Variants in CADPS observed in about 807,000 individuals in gnomAD.
CADPS encodes calcium-dependent secretion activator 1.
In CADPS, 57 loss-of-function variants were observed where a neutral mutation model predicts 167.3. That is an observed-to-expected ratio of 0.34 (90% confidence interval 0.28 to 0.42). The LOEUF (loss-of-function observed/expected upper bound fraction) is 0.42, where lower values mean the gene tolerates loss of function less well. Ranked by LOEUF, CADPS falls within the 20% of genes least tolerant of loss-of-function variation. CADPS has a pLI of 1.00. For synonymous variants in CADPS, 676 were observed against 635.3 expected (o/e 1.06, Z -0.96); for missense variants, 1,414 against 1,738.1 (o/e 0.81, Z 3.32).
chr3:62,811,701 T>C (rs890105395), intron 1 of CADPS, among the ~76,000 whole-genome samples: 2 of 152,208 alleles, frequency 1.3e-5, no homozygotes, highest in Non-Finnish European at 2.9e-5. Flanking sequence ...TAATTCACAA[T>C]TCTTTCATAC....
At chr3:62,831,247 T>C (rs73102782) in intron 1 of CADPS, among the ~76,000 whole-genome samples, 1,857 of 152,258 alleles carry the variant, frequency 0.012, 16 homozygotes, top group South Asian at 0.02. Context: ...CTCTTCGAAG[T>C]AAACATTATC....
At chr3:62,405,427 G>A (rs1391969874) in intron 28 of CADPS, among the ~76,000 whole-genome samples, 5 of 146,028 alleles carry the variant, frequency 3.4e-5, no homozygotes, top group Non-Finnish European at 7.5e-5. Context: ...TCTCTTTGCT[G>A]AGAGACGTGC....
At chr3:62,547,608 T>C (rs2076711902) in intron 11 of CADPS, among the ~76,000 whole-genome samples, 1 of 83,050 alleles carries the variant, frequency 1.2e-5, no homozygotes, top group Non-Finnish European at 2.3e-5. Context: ...CCGCAAATTC[T>C]AACTCTTAGG....
chr3:62,551,019 T>A (rs916435664), intron 10 of CADPS: 20 of 435,172 alleles, frequency 4.6e-5, no homozygotes, highest in African/African-American at 2.0e-4. Context: ...TTGCCCTTCT[T>A]CTCTTCCTTA....
At position 62,780,661 on chromosome 3, in the gene CADPS, G is replaced by T. The variant is rs527814372; in HGVS notation, c.442-14677C>A. 2.0e-5 allele frequency among the ~76,000 whole-genome samples: 3 copies of T among 152,212 alleles called. No homozygotes were observed. In the South Asian group the frequency reaches 6.2e-4, roughly 32 times the overall value. On this transcript the variant is annotated intron_variant, in intron 1 of 29. Transcript: ENST00000383710. Reference sequence around the variant, plus strand: ...AATGATTTCTGTCTAGTGGAAAAAAGATGATCCCCCAAATTATAGCATTAT... The same window carrying T: ...AATGATTTCTGTCTAGTGGAAAAAATATGATCCCCCAAATTATAGCATTAT...
At chr3:62,660,847 A>C (rs62242516) in intron 4 of CADPS, among the ~76,000 whole-genome samples, 45,756 of 152,130 alleles carry the variant, frequency 0.3, 7,633 homozygotes, top group East Asian at 0.69. Context: ...ATTTTGATTA[A>C]CGGAGGCCCG....
chr3:62,499,193 A>T lies in CADPS; in HGVS notation c.2675T>A (p.Val892Asp). 6.2e-7 allele frequency: 1 copy of T among 1,613,684 alleles called. No homozygotes were observed. Among genetic ancestry groups the T allele is most frequent in the Non-Finnish European group, 8.5e-7 (1 of 1,179,588 alleles). Residue 892 changes from valine to aspartate, a missense_variant, in exon 18 of 30, where the codon GTT becomes GAT. By Grantham distance (152) the Val-to-Asp change is radical. This residue lies in a region of CADPS where 529 missense variants were observed against 629.6 expected (regional missense o/e 0.84). Coordinates refer to ENST00000383710, the MANE Select transcript of CADPS (RefSeq NM_003716.4). ...GTGGTGCTCCTCATTTTGCTGAAGA[A>T]CTTCAATGACTAGTTCAGCAAGACG... ...TIRLAELVIE[V>D]LQQNEEHHAE...
At chr3:62,479,683 G>C (rs1032513752) in intron 22 of CADPS, among the ~76,000 whole-genome samples, 19 of 152,244 alleles carry the variant, frequency 1.2e-4, no homozygotes, top group Admixed American at 2.0e-4. Context: ...TATCTGACAC[G>C]ATGGAGCAGG....
intron 6 of CADPS, among the ~76,000 whole-genome samples, chr3:62,596,976 A>C (rs1039417138): frequency 1.3e-5 from 2 of 152,198 alleles, no homozygotes; most frequent in Non-Finnish European, 2.9e-5. Flanking sequence ...TATTGTAAAA[A>C]TTATCAGTAA....
rs1207058423 is a variant in CADPS at position 62,421,734 on chromosome 3, A to G, written c.3777+16370T>C. Among the ~76,000 whole-genome samples the G allele has an allele frequency of 1.3e-5, 2 of 152,052 alleles. No homozygotes were observed. Among genetic ancestry groups the G allele is most frequent in the African/African-American group, 4.8e-5 (2 of 41,396 alleles). Reference sequence around the variant, plus strand: ...TGACAATGTCAGATTTCATAATAATATTGTGTGTGAGGCTGGAGACGCATT... The same window carrying G: ...TGACAATGTCAGATTTCATAATAATGTTGTGTGTGAGGCTGGAGACGCATT... On this transcript the variant is annotated intron_variant, in intron 28 of 29. Transcript: ENST00000383710. This position sits in a 1 kb window ranked among gnomAD's most constrained non-coding sequence, Gnocchi z 4.7.
Position 62,482,321 on chromosome 3 carries a change from T to C in CADPS, c.3027-452A>G, listed in dbSNP as rs1443882262. Among the ~76,000 whole-genome samples the C allele has an allele frequency of 2.0e-5, 3 of 152,196 alleles. No individual in the cohort carries two copies. The East Asian group carries it at 5.8e-4, about 29-fold the overall frequency. On this transcript the variant is annotated intron_variant, in intron 21 of 29. Transcript: ENST00000383710. ...ACAAATTACTGTTGATGGAGGCATA[T>C]TTCTCAATCAGACGTTAGACACCAA...
intron 17 of CADPS, among the ~76,000 whole-genome samples, chr3:62,505,681 G>A (rs1332638597): frequency 6.6e-6 from 1 of 152,198 alleles, no homozygotes; most frequent in Non-Finnish European, 1.5e-5. Flanking sequence ...CAAGGGTTAT[G>A]CCTTCATATG....
At chr3:62,513,085 G>C (rs17066482) in intron 16 of CADPS, among the ~76,000 whole-genome samples, 7,546 of 152,156 alleles carry the variant, frequency 0.05, 522 homozygotes, top group African/African-American at 0.15. Flanking sequence ...AGAGGACAAG[G>C]ACAAGTCAAA....
At chr3:62,587,562 C>T (rs1342891119) in intron 7 of CADPS, among the ~76,000 whole-genome samples, 4 of 152,164 alleles carry the variant, frequency 2.6e-5, no homozygotes, top group East Asian at 1.9e-4. Context: ...GGGCCAGAAC[C>T]GCGGTAAGTA....
chr3:62,732,893 G>A (rs576632213), intron 3 of CADPS, among the ~76,000 whole-genome samples: 1 of 152,300 alleles, frequency 6.6e-6, no homozygotes, highest in African/African-American at 2.4e-5. Context: ...AAGTTGCCAA[G>A]GGTCACCGAG....
At chr3:62,675,330 G>C (rs2076178175) in intron 3 of CADPS, among the ~76,000 whole-genome samples, 1 of 152,016 alleles carries the variant, frequency 6.6e-6, no homozygotes, top group Non-Finnish European at 1.5e-5. Context: ...AAAGATTGTA[G>C]ATTTTGGTTA....
At chr3:62,441,808 T>C (rs1170275977) in intron 27 of CADPS, among the ~76,000 whole-genome samples, 1 of 152,192 alleles carries the variant, frequency 6.6e-6, no homozygotes, top group Admixed American at 6.5e-5. Flanking sequence ...AAAGATGCTG[T>C]TTCAATTTTG....
At chr3:62,710,446 C>G (rs1216752265) in intron 3 of CADPS, among the ~76,000 whole-genome samples, 6 of 152,122 alleles carry the variant, frequency 3.9e-5, no homozygotes, top group African/African-American at 1.4e-4. Context: ...TACCGAACCT[C>G]TCCATGCTTC....
intron 5 of CADPS, 52 bp downstream of exon 5, chr3:62,650,795 C>T (rs2069906735): frequency 7.3e-7 from 1 of 1,363,712 alleles, no homozygotes; most frequent in Non-Finnish European, 1.0e-6. Flanking sequence ...ATCTAATCGC[C>T]CATGTCCTAC....
Sources: gnomAD v4.1 joint callset for allele counts (sites outside exome capture counted in the v4.1 genomes callset) on GRCh38, gnomAD v4.1.1 for gene constraint, gnomAD v4.1.1 regional missense constraint, Gnocchi (gnomAD v3.1) non-coding constraint, MANE v1.5 for transcripts, NCBI Gene and HGNC (gene_info 2026-07-23, HGNC 2026-07-21) for gene names.